SGIP1: variants seen among roughly 807,000 people sequenced by gnomAD.
SGIP1 encodes the protein SH3GL interacting endocytic adaptor 1, also known as SH3-containing GRB2-like protein 3-interacting protein 1.
Under a neutral mutation model 107.5 loss-of-function variants are expected in SGIP1, and 38 were observed. The ratio of observed to expected loss-of-function variants is 0.35; its 90% CI spans 0.27 to 0.46. SGIP1 has a LOEUF of 0.46. SGIP1 is among the 20% of genes least tolerant of loss of function. The pLI, the probability that SGIP1 is intolerant of heterozygous loss-of-function variation, is 1.00. For missense variants in SGIP1, 929 were observed against 1,019.5 expected (o/e 0.91, Z 1.21); for synonymous variants, 365 against 366.1 (o/e 1.00, Z 0.03).
intron 1 of SGIP1, among the ~76,000 whole-genome samples, chr1:66,595,541 C>T (rs11811921): frequency 1.3e-5 from 2 of 152,146 alleles, no homozygotes; most frequent in African/African-American, 4.8e-5. Flanking sequence ...CACAACCTCA[C>T]AAAACATGAG....
At chr1:66,610,385 T>A (rs1344092511) in intron 1 of SGIP1, among the ~76,000 whole-genome samples, 1 of 152,206 alleles carries the variant, frequency 6.6e-6, no homozygotes, top group East Asian at 1.9e-4. Context: ...AGTAAAGGGA[T>A]GAAAGTTTGA....
At chr1:66,671,884 T>G in intron 10 of SGIP1, 60 bp from the exon 11 acceptor site, 4 of 1,482,360 alleles carry the variant, frequency 2.7e-6, no homozygotes, top group Non-Finnish European at 3.8e-6. Flanking sequence ...ACATAGGTTA[T>G]AAGACATATC....
chr1:66,729,017 AC>A (rs1269670783), intron 19 of SGIP1, among the ~76,000 whole-genome samples: 1 of 152,154 alleles, frequency 6.6e-6, no homozygotes, highest in Non-Finnish European at 1.5e-5. Flanking sequence ...TATGCTTAGT[AC>A]CCAGGTGACA....
At chr1:66,617,390 A>G (rs2069637907) in intron 1 of SGIP1, among the ~76,000 whole-genome samples, 1 of 152,262 alleles carries the variant, frequency 6.6e-6, no homozygotes, top group Non-Finnish European at 1.5e-5. Context: ...TTCTGATGAC[A>G]AAGAATCTGA....
At chr1:66,707,828 G>C (rs901176984) in intron 18 of SGIP1, among the ~76,000 whole-genome samples, 1 of 152,100 alleles carries the variant, frequency 6.6e-6, no homozygotes, top group Non-Finnish European at 1.5e-5. Flanking sequence ...TGCCCAGAGA[G>C]CCTCTGTTAG....
chr1:66,576,176 G>A (rs1186641757), intron 1 of SGIP1, among the ~76,000 whole-genome samples: 3 of 152,162 alleles, frequency 2.0e-5, no homozygotes, highest in Admixed American at 2.0e-4. Flanking sequence ...CAAAGAAGGA[G>A]GTACTGTGTT....
In SGIP1 at chr1:66,708,514, TG is replaced by T. The variant is rs1235850064; in HGVS notation, c.1631-10779del. ...ATTCACTTTTCTTTCATTTGTATTA[TG>T]ACTTTGTCTTCTGTCTTATGTTCAT... On this transcript the variant is annotated intron_variant, in intron 18 of 24. Transcript: ENST00000371037. Among the ~76,000 whole-genome samples the T allele has an allele frequency of 5.9e-5, 9 of 152,334 alleles. 1 individual carries two copies. The highest frequency in any genetic ancestry group is 2.2e-4 in the African/African-American group (9 of 41,592).
At chr1:66,589,678 A>C (rs574307288) in intron 1 of SGIP1, among the ~76,000 whole-genome samples, 1 of 152,168 alleles carries the variant, frequency 6.6e-6, no homozygotes, top group African/African-American at 2.4e-5. Context: ...TTCTCAACAA[A>C]TGAGAGTGTT....
intron 2 of SGIP1, 199 bp downstream of exon 2, chr1:66,626,109 T>C: frequency 2.9e-6 from 1 of 344,520 alleles, no homozygotes; most frequent in Non-Finnish European, 5.2e-6. Context: ...CATCATGTGT[T>C]CAGTTTTTAT....
upstream of SGIP1, chr1:66,533,497 C>T (rs900901076): frequency 6.6e-6 from 1 of 152,190 alleles, no homozygotes; most frequent in African/African-American, 2.4e-5. Flanking sequence ...ACGAAGGCAG[C>T]TGGGGTGAAA....
Position 66,642,841 on chromosome 1 carries a change from G to A in SGIP1, c.260G>A (p.Ser87Asn), listed in dbSNP as rs749981311. 1 of 1,612,522 alleles carries A rather than the reference G, an allele frequency of 6.2e-7. No individual in the cohort carries two copies. Among genetic ancestry groups the A allele is most frequent in the Non-Finnish European group, 8.5e-7 (1 of 1,179,302 alleles). Reference sequence around the variant, plus strand: ...CCTGAGCTGGATGAAGAAGGCTACAGCATCAGACCCGAGGAACCCGGCTAT... The same window carrying A: ...CCTGAGCTGGATGAAGAAGGCTACAACATCAGACCCGAGGAACCCGGCTAT... ...NSPELDEEGY[S>N]IRPEEPGSTK... The change falls in exon 6 of 25, where the codon AGC becomes AAC. Residue 87 changes from serine to asparagine, a missense_variant. Coordinates refer to ENST00000371037, the MANE Select transcript of SGIP1 (RefSeq NM_032291.4).
At chr1:66,551,210 T>C (rs533571037) in intron 1 of SGIP1, among the ~76,000 whole-genome samples, 47 of 152,180 alleles carry the variant, frequency 3.1e-4, no homozygotes, top group Non-Finnish European at 5.3e-4. Context: ...ATATTTTACT[T>C]TGTAGTTTTC....
Position 66,643,411 on chromosome 1 carries a change from TA to T in SGIP1, c.284-132del. 4.7e-6 allele frequency: 3 copies of T among 644,468 alleles called. No homozygotes were observed. The South Asian group carries it at 5.8e-5, about 13-fold the overall frequency. The allele number at this position is 644,468 out of a possible 1,614,324, so 39.9% of individuals were successfully genotyped here. On this transcript the variant is annotated intron_variant, in intron 6 of 24. Transcript: ENST00000371037. ...AATAAATTCTAACCCCTTCCTCCTT[TA>T]CTTTTGTATGTTTTGCTTTGATTTT... is the stretch of plus-strand genomic sequence containing the variant.
intron 4 of SGIP1, among the ~76,000 whole-genome samples, chr1:66,637,976 C>A (rs781299938): frequency 2.0e-5 from 3 of 151,606 alleles, no homozygotes; most frequent in Non-Finnish European, 1.5e-5. Context: ...AACTGTAGAA[C>A]TTTGAAAATT....
chr1:66,564,841 C>T (rs1230735298), intron 1 of SGIP1, among the ~76,000 whole-genome samples: 1 of 151,980 alleles, frequency 6.6e-6, no homozygotes, highest in Non-Finnish European at 1.5e-5. Flanking sequence ...TGAGATTTTA[C>T]ACCTAGAGTC....
chr1:66,738,907 C>T (rs112716012), intron 21 of SGIP1, among the ~76,000 whole-genome samples: 1 of 152,280 alleles, frequency 6.6e-6, no homozygotes, highest in South Asian at 2.1e-4. Context: ...TTCCTGACAA[C>T]CCTATGGGTA....
chr1:66,608,014 C>T (rs2067188954), intron 1 of SGIP1, among the ~76,000 whole-genome samples: 1 of 151,950 alleles, frequency 6.6e-6, no homozygotes, highest in South Asian at 2.1e-4. Context: ...CATTGTGTAC[C>T]CCAGATGCCC....
intron 21 of SGIP1, 73 bp from the exon 22 acceptor site, chr1:66,739,262 A>G (rs2094369165): frequency 6.6e-7 from 1 of 1,519,236 alleles, no homozygotes; most frequent in Admixed American, 1.9e-5. Context: ...CATAAACAAC[A>G]TATGACATTT....
intron 1 of SGIP1, among the ~76,000 whole-genome samples, chr1:66,575,865 A>G (rs2060989957): frequency 1.3e-5 from 2 of 152,342 alleles, no homozygotes; most frequent in South Asian, 2.1e-4. Flanking sequence ...AAAGACAAGT[A>G]GAGGCAGCAT....
Sources: allele counts gnomAD v4.1 joint callset (sites outside exome capture counted in the v4.1 genomes callset), GRCh38; gene constraint gnomAD v4.1.1; transcripts MANE v1.5; gene names NCBI Gene and HGNC (gene_info 2026-07-23, HGNC 2026-07-21).